ATL2: variants seen among roughly 807,000 people sequenced by gnomAD.
ATL2 encodes atlastin-2.
Under a neutral mutation model 73.9 loss-of-function variants are expected in ATL2, and 31 were observed. The ratio of observed to expected loss-of-function variants is 0.42; its 90% CI spans 0.32 to 0.57. The LOEUF (loss-of-function observed/expected upper bound fraction) is 0.57. ATL2 is among the 20% of genes least tolerant of loss of function. The pLI is 0.14. For synonymous variants in ATL2, 291 were observed against 237.5 expected (o/e 1.23, Z -2.07); for missense variants, 738 against 702.6 (o/e 1.05, Z -0.57).
intron 9 of ATL2, among the ~76,000 whole-genome samples, chr2:38,308,073 C>A (rs956166184): frequency 6.6e-6 from 1 of 152,080 alleles, no homozygotes; most frequent in African/African-American, 2.4e-5. Flanking sequence ...AAAAATAAAA[C>A]GACCATATGA....
rs370305206 is a variant in ATL2, at chr2:38,344,328, T to C, written c.119-816A>G. On this transcript the variant is annotated intron_variant, in intron 1 of 12. Transcript: ENST00000378954. ...ACATTAAAAACATATATTAAAATTG[T>C]TCATGTGGCTGGGTGCAGTGGGTGT... is the stretch of plus-strand genomic sequence containing the variant. 1.8e-4 allele frequency among the ~76,000 whole-genome samples: 27 copies of C among 152,266 alleles called. 3 individuals are homozygous for C. The highest frequency in any genetic ancestry group is 9.2e-4 in the Admixed American group (14 of 15,284).
intron 1 of ATL2, chr2:38,376,337 A>G (rs1369610861): frequency 9.6e-7 from 1 of 1,038,388 alleles, no homozygotes; most frequent in Non-Finnish European, 1.3e-6. Context: ...TGGTACACGT[A>G]CAGTAGGAGC....
intron 1 of ATL2, chr2:38,359,561 G>C (rs555021146): frequency 3.3e-5 from 5 of 151,724 alleles, no homozygotes; most frequent in East Asian, 3.9e-4. Context: ...GAAACAAAGA[G>C]TTGTTTTTCC....
chr2:38,357,651 C>CAAA (rs1212548216), intron 1 of ATL2, among the ~76,000 whole-genome samples: 3,769 of 66,024 alleles, frequency 0.057, 474 homozygotes, highest in African/African-American at 0.2. Flanking sequence ...GACTCCGTCT[C>CAAA]AAAAAAAAAA....
intron 2 of ATL2, among the ~76,000 whole-genome samples, chr2:38,327,879 T>C (rs1444525859): frequency 6.6e-6 from 1 of 152,180 alleles, no homozygotes; most frequent in Non-Finnish European, 1.5e-5. Context: ...GAGGTTGCAG[T>C]GAGCCGAGAT....
At chr2:38,364,912 C>G (rs1159455649) in intron 1 of ATL2, among the ~76,000 whole-genome samples, 7 of 152,100 alleles carry the variant, frequency 4.6e-5, no homozygotes. Context: ...TGCGTGGTGG[C>G]ACACGCCTGT....
At chr2:38,302,358 C>A (rs147831705) in intron 9 of ATL2, among the ~76,000 whole-genome samples, 1,624 of 152,138 alleles carry the variant, frequency 0.011, 19 homozygotes, top group South Asian at 0.026. Flanking sequence ...ATTTGGGAGG[C>A]CAAGGCAGGC....
intron 9 of ATL2, among the ~76,000 whole-genome samples, chr2:38,303,610 C>A (rs917456297): frequency 6.6e-6 from 1 of 152,022 alleles, no homozygotes; most frequent in African/African-American, 2.4e-5. Context: ...AGCATGCCTA[C>A]AAGATCTAGA....
intron 1 of ATL2, among the ~76,000 whole-genome samples, chr2:38,370,711 A>G (rs1304477849): frequency 6.6e-6 from 1 of 152,184 alleles, no homozygotes; most frequent in Non-Finnish European, 1.5e-5. Flanking sequence ...GGTTGCAGTG[A>G]GCCAAGACTG....
intron 5 of ATL2, 31 bp downstream of exon 5, chr2:38,315,253 A>G (rs1667968070): frequency 1.4e-6 from 2 of 1,460,816 alleles, no homozygotes; most frequent in Admixed American, 3.0e-5. Context: ...CTCCATCTCA[A>G]AAAATAAAAA....
Sources: gnomAD v4.1 joint callset for allele counts (sites outside exome capture counted in the v4.1 genomes callset) on GRCh38, gnomAD v4.1.1 for gene constraint, MANE v1.5 for transcripts, NCBI Gene and HGNC (gene_info 2026-07-23, HGNC 2026-07-21) for gene names.